SESN1: variants seen among roughly 807,000 people sequenced by gnomAD.
SESN1 encodes sestrin-1.
Under a neutral mutation model 59.3 loss-of-function variants are expected in SESN1, and 30 were observed. That is an observed-to-expected ratio of 0.51 (90% confidence interval 0.38 to 0.69). The LOEUF is 0.69. Ranked by LOEUF, SESN1 falls within the 30% of genes least tolerant of loss-of-function variation. The pLI is 0.00. For synonymous variants in SESN1, 197 were observed against 219.9 expected, an observed-to-expected ratio of 0.90 and a Z score of 0.92; for missense variants, 566 against 673.0, an observed-to-expected ratio of 0.84 and a Z score of 1.76.
intron 1 of SESN1, among the ~76,000 whole-genome samples, chr6:109,091,002 T>C (rs950363627): frequency 1.3e-5 from 2 of 152,148 alleles, no homozygotes; most frequent in Non-Finnish European, 2.9e-5. Context: ...CTCCAACTCC[T>C]GACCTCAGGA....
intron 1 of SESN1, among the ~76,000 whole-genome samples, chr6:109,011,805 T>G (rs1162501009): frequency 6.6e-6 from 1 of 151,820 alleles, no homozygotes; most frequent in East Asian, 1.9e-4. Context: ...CTTTTTAAAT[T>G]TTTTGTAGAG....
intron 1 of SESN1, among the ~76,000 whole-genome samples, chr6:109,070,964 C>A (rs1780924269): frequency 6.6e-6 from 1 of 152,196 alleles, no homozygotes; most frequent in Non-Finnish European, 1.5e-5. Context: ...ATGACTTCAG[C>A]TACCCAGGTA....
At chr6:109,093,643 C>A in intron 1 of SESN1, 152 bp downstream of exon 1, 1 of 701,314 alleles carries the variant, frequency 1.4e-6, no homozygotes, top group Non-Finnish European at 2.2e-6. Context: ...TCTAGAAAAA[C>A]ACTACTTGTT....
At chr6:109,054,139 A>G (rs1243097870) in intron 1 of SESN1, among the ~76,000 whole-genome samples, 1 of 152,116 alleles carries the variant, frequency 6.6e-6, no homozygotes, top group Non-Finnish European at 1.5e-5. Context: ...GTAATTGTCA[A>G]TTTAATTTTC....
intron 1 of SESN1, among the ~76,000 whole-genome samples, chr6:109,089,924 T>C (rs1237610428): frequency 1.3e-5 from 2 of 152,146 alleles, no homozygotes; most frequent in Admixed American, 6.5e-5. Context: ...TGGAAATCCA[T>C]TCTCTAGAGT....
rs369093694 is a variant in SESN1 at position 108,988,643 on chromosome 6, C to T, written c.1469G>A (p.Arg490His). 12 of 1,610,484 alleles carry T rather than the reference C, an allele frequency of 7.5e-6. No individual in the cohort carries two copies. The highest frequency in any genetic ancestry group is 5.5e-5 in the South Asian group (5 of 90,592). Residue 490 changes from arginine (R) to histidine (H), a missense_variant, in exon 9 of 10, where the codon CGT becomes CAT. Coordinates refer to ENST00000436639, the MANE Select transcript of SESN1 (RefSeq NM_014454.3). ...AGTTTTGATATAAACTTTAAAGCTA[C>T]GATCCAATAGCTGGTTAATTTCACC... Reference protein sequence around the residue: ...DYGEINQLLDRSFKVYIKTVV... With the variant: ...DYGEINQLLDHSFKVYIKTVV...
At chr6:109,047,379 T>C (rs1430481270) in intron 1 of SESN1, among the ~76,000 whole-genome samples, 1 of 130,756 alleles carries the variant, frequency 7.6e-6, no homozygotes, top group South Asian at 2.8e-4. Context: ...AGCCGCCCCG[T>C]CCGGGAGGTG....
chr6:109,059,896 G>A (rs1222854340), intron 1 of SESN1, among the ~76,000 whole-genome samples: 1 of 152,082 alleles, frequency 6.6e-6, no homozygotes, highest in Non-Finnish European at 1.5e-5. Flanking sequence ...AGGAAGACAG[G>A]CCTAGACTAT....
intron 1 of SESN1, among the ~76,000 whole-genome samples, chr6:109,023,131 C>A (rs1271640544): frequency 6.6e-6 from 1 of 152,168 alleles, no homozygotes; most frequent in Non-Finnish European, 1.5e-5. Context: ...TAAAAATGTT[C>A]TATAACATCT....
intron 1 of SESN1, among the ~76,000 whole-genome samples, chr6:109,061,331 A>G (rs1232108619): frequency 2.0e-5 from 3 of 152,212 alleles, no homozygotes; most frequent in Non-Finnish European, 4.4e-5. Context: ...TTTAATGTTT[A>G]GAAATTTTCT....
intron 1 of SESN1, among the ~76,000 whole-genome samples, chr6:109,054,859 A>G (rs1780603256): frequency 1.3e-5 from 2 of 152,130 alleles, no homozygotes; most frequent in African/African-American, 4.8e-5. Context: ...TTTTTATGCA[A>G]TCAAAACTAT....
rs528709114 is a variant in SESN1 at position 109,053,013 on chromosome 6, A to G, written c.279+40782T>C. ...TAAGAGGTATATGGTCATATACGTC[A>G]CTATTCAATAAAAGGAGCTGTTCAA... On this transcript the variant is annotated intron_variant, in intron 1 of 9. Transcript: ENST00000436639. Among the ~76,000 whole-genome samples the G allele has an allele frequency of 2.6e-5, 4 of 152,226 alleles. No individual in the cohort carries two copies. In the South Asian group the frequency reaches 8.3e-4, roughly 32 times the overall value.
chr6:109,046,561 G>A (rs1780442629), intron 1 of SESN1, among the ~76,000 whole-genome samples: 1 of 145,032 alleles, frequency 6.9e-6, no homozygotes, highest in Admixed American at 6.8e-5. Flanking sequence ...GGGATGTGAG[G>A]AGCCCCTCTG....
chr6:109,025,959 T>C (rs1175196894), intron 1 of SESN1, among the ~76,000 whole-genome samples: 1 of 151,828 alleles, frequency 6.6e-6, no homozygotes, highest in Non-Finnish European at 1.5e-5. Flanking sequence ...CTCTTTTTTT[T>C]TTTCAGGAAG....
chr6:108,998,354 G>A lies in SESN1; in HGVS notation c.972+159C>T, dbSNP rs923504849. On this transcript the variant is annotated intron_variant, in intron 5 of 9. Coordinates refer to ENST00000436639, the MANE Select transcript of SESN1 (RefSeq NM_014454.3). The stretch of plus-strand genomic sequence containing the variant: ...TCACCTAGACTAGTGATGAGCATGT[G>A]AGGCAGTCAATAAAACCCTACTGAA... 8.0e-5 allele frequency: 58 copies of A among 728,752 alleles called. No individual in the cohort carries two copies. The African/African-American group carries it at 8.5e-4, about 11-fold the overall frequency. The allele number at this position is 728,752 out of a possible 1,614,324, so 45.1% of individuals were successfully genotyped here.
chr6:109,092,705 TAGAG>T (rs1781340838), intron 1 of SESN1, among the ~76,000 whole-genome samples: 1 of 152,224 alleles, frequency 6.6e-6, no homozygotes, highest in African/African-American at 2.4e-5. Context: ...GTCTAGAAGA[TAGAG>T]AAATAACTTT....
At chr6:109,036,602 A>G (rs1018981684) in intron 1 of SESN1, among the ~76,000 whole-genome samples, 3 of 152,216 alleles carry the variant, frequency 2.0e-5, no homozygotes, top group African/African-American at 7.2e-5. Context: ...AGTTCTTAAT[A>G]CACTATAATA....
intron 1 of SESN1, among the ~76,000 whole-genome samples, chr6:109,033,773 T>C (rs1408359809): frequency 6.6e-6 from 1 of 152,172 alleles, no homozygotes; most frequent in Non-Finnish European, 1.5e-5. Context: ...TGGATTCAGG[T>C]TGCCATCTGG....
intron 1 of SESN1, among the ~76,000 whole-genome samples, chr6:109,017,110 A>G (rs1486198917): frequency 3.3e-5 from 5 of 152,154 alleles, no homozygotes; most frequent in African/African-American, 1.2e-4. Flanking sequence ...AATTTCGTCT[A>G]TAATTCAATA....
Sources: gnomAD v4.1 joint callset for allele counts (sites outside exome capture counted in the v4.1 genomes callset) on GRCh38, gnomAD v4.1.1 for gene constraint, MANE v1.5 for transcripts, NCBI Gene and HGNC (gene_info 2026-07-23, HGNC 2026-07-21) for gene names.